Variants in CDCA2 observed in about 807,000 individuals in gnomAD.
CDCA2 encodes the protein cell division cycle associated 2.
A neutral mutation model predicts 67.0 loss-of-function variants in CDCA2; 44 were observed. The ratio of observed to expected loss-of-function variants is 0.66; its 90% CI spans 0.52 to 0.84. CDCA2 has a LOEUF of 0.84. CDCA2 is among the 40% of genes least tolerant of loss of function. The pLI, the probability that CDCA2 is intolerant of heterozygous loss-of-function variation, is 0.00. For synonymous variants in CDCA2, 447 were observed against 418.7 expected, an observed-to-expected ratio of 1.07 and a Z score of -0.82; for missense variants, 1,253 against 1,203.2, an observed-to-expected ratio of 1.04 and a Z score of -0.61.
chr8:25,476,227 C>T (rs1210905256), intron 7 of CDCA2, among the ~76,000 whole-genome samples: 1 of 152,194 alleles, frequency 6.6e-6, no homozygotes, highest in Non-Finnish European at 1.5e-5. Context: ...ACTCTTACTC[C>T]ACTATCTCCC....
chr8:25,494,718 T>C (rs1804145743), intron 13 of CDCA2, among the ~76,000 whole-genome samples: 1 of 152,226 alleles, frequency 6.6e-6, no homozygotes, highest in African/African-American at 2.4e-5. Flanking sequence ...ATTGAAGTCC[T>C]AACTCCCAGG....
intron 12 of CDCA2, 118 bp from the exon 13 acceptor site, chr8:25,488,434 G>T (rs1386990692): frequency 2.3e-6 from 2 of 875,080 alleles, no homozygotes; most frequent in East Asian, 5.9e-5. Context: ...TGTGAATTAA[G>T]AATAAATGGG....
chr8:25,506,038 G>C (rs1457341093), intron 14 of CDCA2, among the ~76,000 whole-genome samples: 1 of 152,134 alleles, frequency 6.6e-6, no homozygotes, highest in African/African-American at 2.4e-5. Context: ...GTGTCTTCAG[G>C]CATGCTGTTT....
chr8:25,483,251 A>C, intron 8 of CDCA2, 148 bp from the exon 9 acceptor site: 1 of 465,300 alleles, frequency 2.1e-6, no homozygotes, highest in East Asian at 3.5e-5. Context: ...CATGGTTTTG[A>C]GCCAGAACAA....
At chr8:25,468,566 T>TGCGTGCGTGC (rs1563262618) in intron 6 of CDCA2, among the ~76,000 whole-genome samples, 153 bp downstream of exon 6, 2 of 149,452 alleles carry the variant, frequency 1.3e-5, no homozygotes, top group Non-Finnish European at 3.0e-5. Flanking sequence ...TGCGTGTGTG[T>TGCGTGCGTGC]GTGTGTGTTT....
At chr8:25,472,105 C>G (rs1448454507) in intron 7 of CDCA2, 2 of 152,264 alleles carry the variant, frequency 1.3e-5, no homozygotes, top group Non-Finnish European at 2.9e-5. Flanking sequence ...TCTGTTTTAC[C>G]TATGTAGCCG....
At chr8:25,468,546 T>TGTGTGTGTGTGTGTGC in intron 6 of CDCA2, 133 bp downstream of exon 6, 1 of 518,836 alleles carries the variant, frequency 1.9e-6, no homozygotes, top group Non-Finnish European at 3.4e-6. Flanking sequence ...TGTGTGTGTG[T>TGTGTGTGTGTGTGTGC]GTGTGTGTGT....
chr8:25,507,605 T>C lies in CDCA2; in HGVS notation c.2939T>C (p.Ile980Thr). The change falls in exon 15 of 15, where the codon ATA (isoleucine) becomes ACA (threonine). Residue 980 changes from isoleucine (I) to threonine (T), a missense_variant. Physicochemically the swap from Ile to Thr is moderately conservative, Grantham distance 89. Transcript: ENST00000330560. ...GGTAAGAGGAGGAAGAGCTTTTGTA[T>C]ATCTACACTTGCAAATACTAAAGCC... ...EPGKRRKSFC[I>T]STLANTKATS... 6.2e-7 allele frequency: 1 copy of C among 1,614,024 alleles called. No homozygotes were observed. Among genetic ancestry groups the C allele is most frequent in the Non-Finnish European group, 8.5e-7 (1 of 1,179,984 alleles).
intron 7 of CDCA2, among the ~76,000 whole-genome samples, chr8:25,476,503 G>C (rs548027927): frequency 6.6e-5 from 10 of 151,660 alleles, no homozygotes; most frequent in African/African-American, 2.4e-4. Context: ...ATCTACCTTT[G>C]CTCCTCTTTC....
At chr8:25,502,412 C>T (rs941691801) in intron 13 of CDCA2, among the ~76,000 whole-genome samples, 1 of 151,824 alleles carries the variant, frequency 6.6e-6, no homozygotes, top group Non-Finnish European at 1.5e-5. Context: ...AATGTAATAC[C>T]CCATTCCGGA....
Position 25,466,166 on chromosome 8 carries a change from C to T in CDCA2, c.388-9C>T, listed in dbSNP as rs58747959. ...TATAATACTCCTTGTATATTTTGCA[C>T]TTTCACAGGGCAGCCCTGCACTGTA... On this transcript the variant is annotated splice_polypyrimidine_tract_variant and intron_variant, in intron 4 of 14. Transcript: ENST00000330560. 0.096 allele frequency: 152,852 copies of T among 1,586,476 alleles called. 7,817 individuals carry two copies. The highest frequency in any genetic ancestry group is 0.13 in the African/African-American group (9,288 of 73,050).
chr8:25,460,647 T>A (rs917723114), intron 3 of CDCA2, 93 bp downstream of exon 3: 2 of 1,322,576 alleles, frequency 1.5e-6, no homozygotes, highest in Admixed American at 4.8e-5. Flanking sequence ...TACTGTCATA[T>A]TTTAGGTACC....
At chr8:25,496,444 G>A (rs1804226525) in intron 13 of CDCA2, among the ~76,000 whole-genome samples, 1 of 152,084 alleles carries the variant, frequency 6.6e-6, no homozygotes, top group South Asian at 2.1e-4. Flanking sequence ...CAACAAAGCT[G>A]CTTAAAACGT....
At chr8:25,478,012 A>T (rs1401483312) in intron 7 of CDCA2, among the ~76,000 whole-genome samples, 2 of 149,364 alleles carry the variant, frequency 1.3e-5, no homozygotes, top group Non-Finnish European at 3.0e-5. Flanking sequence ...CTGCAGCCTC[A>T]ACCTCCTGAG....
chr8:25,499,610 GTT>G (rs1007955466), intron 13 of CDCA2, among the ~76,000 whole-genome samples: 1 of 151,798 alleles, frequency 6.6e-6, no homozygotes, highest in African/African-American at 2.4e-5. Flanking sequence ...GCCTGAATTA[GTT>G]TTTAAAAATT....
At chr8:25,488,373 T>C (rs1284086907) in intron 12 of CDCA2, among the ~76,000 whole-genome samples, 179 bp from the exon 13 acceptor site, 2 of 152,330 alleles carry the variant, frequency 1.3e-5, no homozygotes, top group East Asian at 1.9e-4. Context: ...AGTTCAGAAA[T>C]TGGTAATTAC....
Position 25,507,435 on chromosome 8 carries a change from A to G in CDCA2, c.2769A>G (p.Thr923=). The G allele has an allele frequency of 6.2e-7, 1 of 1,614,150 alleles. No homozygotes were observed. The highest frequency in any genetic ancestry group is 8.5e-7 in the Non-Finnish European group (1 of 1,180,022). ...PSTSQKAKRR[T]ICTFDSSGFE... is the part of the protein sequence containing the mutation. Reference sequence around the variant, plus strand: ...CTTCCCAAAAAGCCAAAAGAAGAACAATATGTACATTTGACAGCAGTGGAT... The same window carrying G: ...CTTCCCAAAAAGCCAAAAGAAGAACGATATGTACATTTGACAGCAGTGGAT... The change falls in exon 15 of 15, where the codon ACA becomes ACG. Residue 923 remains threonine, a synonymous_variant. Coordinates refer to ENST00000330560, the MANE Select transcript of CDCA2 (RefSeq NM_152562.4).
intron 7 of CDCA2, 22 bp downstream of exon 7, chr8:25,470,002 C>T: frequency 6.8e-7 from 1 of 1,477,232 alleles, no homozygotes; most frequent in Non-Finnish European, 9.4e-7. Context: ...TTTCTTAGTA[C>T]ATGGCCAGTT....
In CDCA2 at chr8:25,466,086, A is replaced by T. The variant is rs1802889201; in HGVS notation, c.388-89A>T. The stretch of plus-strand genomic sequence containing the variant: ...TCTTCAAAAAGCATATGTGTACTGT[A>T]TTTAATTTTGGATTCAATGGCTGTA... On this transcript the variant is annotated intron_variant, in intron 4 of 14. Transcript: ENST00000330560. The T allele has an allele frequency of 2.4e-6, 3 of 1,233,884 alleles. 1 individual carries two copies. In the Admixed American group the frequency reaches 7.6e-5, roughly 31 times the overall value. 76.4% of individuals were successfully genotyped at this position (1,233,884 alleles called of 1,614,324 possible).
Sources: gnomAD v4.1 joint callset for allele counts (sites outside exome capture counted in the v4.1 genomes callset) on GRCh38, gnomAD v4.1.1 for gene constraint, MANE v1.5 for transcripts, NCBI Gene and HGNC (gene_info 2026-07-23, HGNC 2026-07-21) for gene names.